PTPRG: variants seen among roughly 807,000 people sequenced by gnomAD.
PTPRG encodes protein tyrosine phosphatase receptor type G, also known as receptor-type tyrosine-protein phosphatase gamma.
A neutral mutation model predicts 165.3 loss-of-function variants in PTPRG; 102 were observed. The ratio of observed to expected loss-of-function variants is 0.62; its 90% CI spans 0.53 to 0.73. The LOEUF (loss-of-function observed/expected upper bound fraction) is 0.73, where lower values mean the gene tolerates loss of function less well. PTPRG is among the 30% of genes least tolerant of loss of function. PTPRG has a pLI of 0.00. For missense variants in PTPRG, 1,866 were observed against 1,861.4 expected (o/e 1.00, Z -0.05); for synonymous variants, 675 against 669.5 (o/e 1.01, Z -0.13).
At chr3:61,800,516 TC>T (rs141067052) in intron 2 of PTPRG, among the ~76,000 whole-genome samples, 76 of 152,136 alleles carry the variant, frequency 5.0e-4, no homozygotes, top group African/African-American at 1.8e-3. Flanking sequence ...GCCAGAGACT[TC>T]CGTATGAGGT....
intron 7 of PTPRG, among the ~76,000 whole-genome samples, chr3:62,166,829 C>T (rs951409267): frequency 1.3e-5 from 2 of 151,940 alleles, no homozygotes; most frequent in African/African-American, 2.4e-5. Context: ...GCTGCGACTA[C>T]AGGCATGCAC....
chr3:62,079,071 G>C (rs1024913578), intron 5 of PTPRG, among the ~76,000 whole-genome samples: 1 of 152,150 alleles, frequency 6.6e-6, no homozygotes, highest in African/African-American at 2.4e-5. Context: ...AAGTCTTTTT[G>C]ACAACTAAAG....
At chr3:61,716,826 G>A (rs1226046534) in intron 1 of PTPRG, among the ~76,000 whole-genome samples, 1 of 152,092 alleles carries the variant, frequency 6.6e-6, no homozygotes, top group Non-Finnish European at 1.5e-5. Flanking sequence ...ACAAAAATTA[G>A]CTGGGTGCGG....
intron 1 of PTPRG, among the ~76,000 whole-genome samples, chr3:61,617,928 C>T (rs919401860): frequency 2.0e-5 from 3 of 152,160 alleles, no homozygotes; most frequent in Non-Finnish European, 4.4e-5. Context: ...TGTAGGAAAA[C>T]GTCTGATAGT....
At chr3:62,199,016 A>G (rs188165092) in intron 10 of PTPRG, among the ~76,000 whole-genome samples, 199 of 152,294 alleles carry the variant, frequency 1.3e-3, no homozygotes, top group Non-Finnish European at 2.3e-3. Context: ...ATTGACCCCA[A>G]TGGAGATTGT....
At chr3:61,751,448 C>G (rs530075049) in intron 2 of PTPRG, among the ~76,000 whole-genome samples, 1 of 152,110 alleles carries the variant, frequency 6.6e-6, no homozygotes, top group South Asian at 2.1e-4. Context: ...CTTTAATAGT[C>G]TAGATTTTAA....
At chr3:62,131,052 G>A (rs1025561461) in intron 5 of PTPRG, among the ~76,000 whole-genome samples, 2 of 152,002 alleles carry the variant, frequency 1.3e-5, no homozygotes, top group Admixed American at 6.6e-5. Flanking sequence ...TTACGCTCTA[G>A]ACATTAAGAT....
chr3:62,281,545 T>TTTTTTTTTTTTTTTTTTTTTTTG lies in PTPRG; in HGVS notation c.3766-12_3766-11insTTTTTTTTTTTTTTTTGTTTTTT. ...TTGACAGAACTGCAGAGGCTTTTTT[T>TTTTTTTTTTTTTTTTTTTTTTTG]TTTTTTGGATTCCAAAGGCAGAAGA... On this transcript the variant is annotated splice_polypyrimidine_tract_variant and intron_variant, in intron 26 of 29. Coordinates refer to ENST00000474889, the MANE Select transcript of PTPRG (RefSeq NM_002841.4). The TTTTTTTTTTTTTTTTTTTTTTTG allele has an allele frequency of 7.2e-7, 1 of 1,388,976 alleles. No homozygotes were observed. The highest frequency in any genetic ancestry group is 9.6e-7 in the Non-Finnish European group (1 of 1,036,582). 86.0% of individuals were successfully genotyped at this position (1,388,976 alleles called of 1,614,324 possible).
At chr3:61,668,242 A>G (rs1702862329) in intron 1 of PTPRG, among the ~76,000 whole-genome samples, 1 of 152,202 alleles carries the variant, frequency 6.6e-6, no homozygotes, top group African/African-American at 2.4e-5. Context: ...TCATACATTG[A>G]AGGTCCAAGT....
intron 4 of PTPRG, among the ~76,000 whole-genome samples, chr3:62,043,281 A>T (rs1395508239): frequency 6.6e-6 from 1 of 152,232 alleles, no homozygotes; most frequent in African/African-American, 2.4e-5. Flanking sequence ...TCTCTAAAAC[A>T]TAATTTTGTT....
chr3:61,651,182 T>C (rs1702344265), intron 1 of PTPRG, among the ~76,000 whole-genome samples: 1 of 151,860 alleles, frequency 6.6e-6, no homozygotes, highest in African/African-American at 2.4e-5. Flanking sequence ...TACTACCAGA[T>C]GGGTGTGTTG....
At position 61,561,993 on chromosome 3, in the gene PTPRG, C is replaced by T. The variant is rs923278668; in HGVS notation, c.-295C>T. The stretch of plus-strand genomic sequence containing the variant: ...AGGCCCGGGGCATCGCCGCCGGCCG[C>T]CGACTCCGCGCCCTGCCCGATCGGC... On this transcript the variant is annotated 5_prime_UTR_variant, in exon 1 of 30. Transcript: ENST00000474889. 7.7e-6 allele frequency: 2 copies of T among 261,322 alleles called. No homozygotes were observed. 16.2% of individuals were successfully genotyped at this position (261,322 alleles called of 1,614,324 possible).
chr3:61,629,039 T>C (rs745515982), intron 1 of PTPRG, among the ~76,000 whole-genome samples: 2 of 152,188 alleles, frequency 1.3e-5, no homozygotes, highest in African/African-American at 2.4e-5. Context: ...TGCTTTTTAT[T>C]GATTTCATTT....
intron 2 of PTPRG, among the ~76,000 whole-genome samples, chr3:61,977,487 G>A (rs1357890938): frequency 6.6e-6 from 1 of 152,092 alleles, no homozygotes; most frequent in Non-Finnish European, 1.5e-5. Context: ...TAATGGTTTA[G>A]GAAGTTGCCT....
intron 1 of PTPRG, among the ~76,000 whole-genome samples, chr3:61,724,761 T>C (rs1054713247): frequency 1.7e-4 from 26 of 152,172 alleles, no homozygotes; most frequent in Admixed American, 3.9e-4. Flanking sequence ...GAATATCCTT[T>C]CATGTGCTCA....
In PTPRG at chr3:62,042,176, G is replaced by A. The variant is rs146205250; in HGVS notation, c.520-35987G>A. On this transcript the variant is annotated intron_variant, in intron 4 of 29. Transcript: ENST00000474889. ...TAGGATTTGGGGCAAGCTCAGAGATGCACAAGTATAACCTGGAGCTTCCAC... is the reference window on the plus strand; with the variant it reads ...TAGGATTTGGGGCAAGCTCAGAGATACACAAGTATAACCTGGAGCTTCCAC... 7.2e-5 allele frequency among the ~76,000 whole-genome samples: 11 copies of A among 152,236 alleles called. No individual in the cohort carries two copies. In the East Asian group the frequency reaches 2.1e-3, roughly 29 times the overall value.
At chr3:62,077,189 C>A (rs77097998) in intron 4 of PTPRG, among the ~76,000 whole-genome samples, 12 of 151,902 alleles carry the variant, frequency 7.9e-5, no homozygotes, top group Non-Finnish European at 1.6e-4. Context: ...TCTACTGAGC[C>A]TAGGAGATGG....
intron 4 of PTPRG, among the ~76,000 whole-genome samples, chr3:62,053,482 G>A (rs185622248): frequency 6.6e-6 from 1 of 152,064 alleles, no homozygotes; most frequent in Non-Finnish European, 1.5e-5. Context: ...GGCCAGGCTG[G>A]TCTTCATCTC....
rs1358539408 is a variant in PTPRG at position 62,217,146 on chromosome 3, G to A, written c.2156-1705G>A. ...CAGGCCTGTGCACAGTAGGGGCTTG[G>A]TAAGAATCTCTCCTATCTAATGAAA... is the stretch of plus-strand genomic sequence containing the variant. On this transcript the variant is annotated intron_variant, in intron 12 of 29. Transcript: ENST00000474889. This position sits in a 1 kb window ranked among gnomAD's most constrained non-coding sequence, Gnocchi z 4.3. Among the ~76,000 whole-genome samples, 1 of 152,180 alleles carries A rather than the reference G, an allele frequency of 6.6e-6. No homozygotes were observed. The highest frequency in any genetic ancestry group is 2.4e-5 in the African/African-American group (1 of 41,430).
Sources: gnomAD v4.1 joint callset for allele counts (sites outside exome capture counted in the v4.1 genomes callset) on GRCh38, gnomAD v4.1.1 for gene constraint, Gnocchi (gnomAD v3.1) non-coding constraint, MANE v1.5 for transcripts, NCBI Gene and HGNC (gene_info 2026-07-23, HGNC 2026-07-21) for gene names.